ABCB4: variants seen among roughly 807,000 people sequenced by gnomAD.
The protein encoded by ABCB4 is phosphatidylcholine translocator ABCB4.
ABCB4 carries 76 observed loss-of-function variants against 145.7 expected under a neutral mutation model. The observed-to-expected ratio is 0.52, with a 90% confidence interval of 0.43 to 0.63. ABCB4 has a LOEUF of 0.63. Ranked by LOEUF, ABCB4 falls within the 30% of genes least tolerant of loss-of-function variation. The probability of loss-of-function intolerance (pLI) is 0.00; values close to 1 mark genes in which losing one functional copy is unlikely to be tolerated. For missense variants in ABCB4, 1,234 were observed against 1,553.1 expected (o/e 0.79, Z 3.45); for synonymous variants, 517 against 566.8 (o/e 0.91, Z 1.25).
intron 17 of ABCB4, among the ~76,000 whole-genome samples, chr7:87,423,370 T>G (rs1405122866): frequency 1.3e-5 from 2 of 152,154 alleles, no homozygotes; most frequent in Non-Finnish European, 2.9e-5. Context: ...TTTTGAATAC[T>G]TACTACAAGG....
chr7:87,474,191 A>G (rs933631345), intron 2 of ABCB4, among the ~76,000 whole-genome samples: 3 of 152,216 alleles, frequency 2.0e-5, no homozygotes, highest in Non-Finnish European at 4.4e-5. Flanking sequence ...ACACGCATCA[A>G]ATGTTAAGCC....
At position 87,426,665 on chromosome 7, in the gene ABCB4, G is replaced by A. The variant is rs866758488; in HGVS notation, c.2064+85C>T. The stretch of plus-strand genomic sequence containing the variant: ...CTCATAGTAGCAGTCATCTGTGCCT[G>A]AAAAATATTTGCAAGGCTAAGAATT... On this transcript the variant is annotated intron_variant, in intron 16 of 27. Transcript: ENST00000649586. The A allele has an allele frequency of 6.2e-6, 9 of 1,447,748 alleles. No homozygotes were observed. The Middle Eastern group carries it at 8.8e-4, about 142-fold the overall frequency. 89.7% of individuals were successfully genotyped at this position (1,447,748 alleles called of 1,614,324 possible). A position where few individuals can be genotyped will look rare whatever the true frequency, so the allele number is the denominator to read the frequency against.
At chr7:87,451,904 C>G (rs908032913) in intron 6 of ABCB4, 110 bp from the exon 7 acceptor site, 2 of 1,007,256 alleles carry the variant, frequency 2.0e-6, no homozygotes, top group Non-Finnish European at 3.1e-6. Context: ...TGACTGCAAG[C>G]CTCTTTCAGA....
intron 15 of ABCB4, among the ~76,000 whole-genome samples, chr7:87,429,914 TA>T (rs58654815): frequency 0.065 from 9,029 of 139,082 alleles, 873 homozygotes; most frequent in African/African-American, 0.23. Flanking sequence ...TTTTTTTTTT[TA>T]AAAAAAAAAA....
chr7:87,374,877 A>G, the ABCB4 span, among the ~76,000 whole-genome samples: 1 of 151,854 alleles, frequency 6.6e-6, no homozygotes, highest in African/African-American at 2.4e-5. Flanking sequence ...TTCCTGAGAA[A>G]TCCTTGAAAG....
At chr7:87,443,260 T>C in intron 12 of ABCB4, 59 bp downstream of exon 12, 3 of 1,611,808 alleles carry the variant, frequency 1.9e-6, no homozygotes, top group Non-Finnish European at 2.5e-6. Context: ...AAAACCAATT[T>C]CAAAGGGCCA....
At chr7:87,378,376 G>C in the ABCB4 span, among the ~76,000 whole-genome samples, 1 of 149,314 alleles carries the variant, frequency 6.7e-6, no homozygotes, top group South Asian at 2.1e-4. Flanking sequence ...TTCAGTAGTT[G>C]TATTAATCCA....
At chr7:87,437,019 G>C (rs1215575486) in intron 14 of ABCB4, among the ~76,000 whole-genome samples, 1 of 152,210 alleles carries the variant, frequency 6.6e-6, no homozygotes, top group African/African-American at 2.4e-5. Flanking sequence ...AGGGTCTGAG[G>C]AAGAGGTGAC....
At chr7:87,390,689 G>A in the ABCB4 span, among the ~76,000 whole-genome samples, 1 of 152,074 alleles carries the variant, frequency 6.6e-6, no homozygotes, top group African/African-American at 2.4e-5. Flanking sequence ...TCCAACCCAG[G>A]AAAACAGATA....
chr7:87,471,465 T>G (rs1250240842), intron 3 of ABCB4, among the ~76,000 whole-genome samples: 1 of 152,224 alleles, frequency 6.6e-6, no homozygotes, highest in African/African-American at 2.4e-5. Context: ...TGCTAATTTT[T>G]TTTTAAATTG....
At chr7:87,466,264 G>A (rs559178335) in intron 3 of ABCB4, among the ~76,000 whole-genome samples, 10 of 152,186 alleles carry the variant, frequency 6.6e-5, no homozygotes, top group Non-Finnish European at 1.3e-4. Context: ...ACAAGCTTCA[G>A]TAGCCAATTC....
chr7:87,464,811 CT>C (rs1465915378), intron 3 of ABCB4, among the ~76,000 whole-genome samples: 1 of 152,168 alleles, frequency 6.6e-6, no homozygotes, highest in Admixed American at 6.5e-5. Flanking sequence ...ATGAAAATTT[CT>C]GTTCCTACAT....
intron 14 of ABCB4, 125 bp from the exon 15 acceptor site, chr7:87,431,690 C>T: frequency 7.7e-7 from 1 of 1,294,542 alleles, no homozygotes; most frequent in South Asian, 1.2e-5. Flanking sequence ...TACTCCAGAT[C>T]TCTGCGTGAT....
the ABCB4 span, among the ~76,000 whole-genome samples, chr7:87,372,684 T>C: frequency 1.3e-5 from 2 of 152,220 alleles, no homozygotes; most frequent in African/African-American, 4.8e-5. Context: ...ATTTTATTAA[T>C]ATAGGAATGG....
the ABCB4 span, among the ~76,000 whole-genome samples, chr7:87,367,628 C>T: frequency 6.6e-6 from 1 of 152,190 alleles, no homozygotes; most frequent in Non-Finnish European, 1.5e-5. Flanking sequence ...TACAGATGAA[C>T]TCCTCTGACT....
chr7:87,403,343 A>G (rs1807944687), intron 26 of ABCB4, 62 bp from the exon 27 acceptor site: 1 of 1,462,342 alleles, frequency 6.8e-7, no homozygotes, highest in East Asian at 2.3e-5. Flanking sequence ...TGACAGTTCT[A>G]TTTACAAGAA....
rs1209000243 is a variant in ABCB4 at position 87,402,319 on chromosome 7, C to T, written c.3634-17G>A. Reference sequence around the variant, plus strand: ...TTGGACAACCTATTGATAAATCAGACAGACACCTTATCCCAAAAATTGTAT... The same window carrying T: ...TTGGACAACCTATTGATAAATCAGATAGACACCTTATCCCAAAAATTGTAT... On this transcript the variant is annotated splice_polypyrimidine_tract_variant and intron_variant, in intron 27 of 27. Coordinates refer to ENST00000649586, the MANE Select transcript of ABCB4 (RefSeq NM_000443.4). The T allele has an allele frequency of 1.2e-6, 2 of 1,613,728 alleles. No individual in the cohort carries two copies.
chr7:87,469,296 C>A (rs1475177929), intron 3 of ABCB4, among the ~76,000 whole-genome samples: 1 of 152,156 alleles, frequency 6.6e-6, no homozygotes. Context: ...GGAAGCATTC[C>A]CTTTGAAAAT....
At position 87,407,353 on chromosome 7, in the gene ABCB4, A is replaced by G. The variant is rs1235605090; in HGVS notation, c.3279+684T>C. Among the ~76,000 whole-genome samples the G allele has an allele frequency of 2.6e-5, 4 of 152,298 alleles. No individual in the cohort carries two copies. The East Asian group carries it at 7.7e-4, about 29-fold the overall frequency. ...CAAAGCAGAAGATTTCCAGAGAGAA[A>G]CAACTAAATTAGGCTTAACAAGGCT... On this transcript the variant is annotated intron_variant, in intron 25 of 27. Transcript: ENST00000649586.
Sources: gnomAD v4.1 joint callset for allele counts (sites outside exome capture counted in the v4.1 genomes callset) on GRCh38, gnomAD v4.1.1 for gene constraint, MANE v1.5 for transcripts, NCBI Gene and HGNC (gene_info 2026-07-23, HGNC 2026-07-21) for gene names.